INTS1: variants seen among roughly 807,000 people sequenced by gnomAD.
The protein encoded by INTS1 is integrator complex subunit 1.
In INTS1, 137 loss-of-function variants were observed where a neutral mutation model predicts 241.6. That is an observed-to-expected ratio of 0.57 (90% CI 0.49 to 0.65). INTS1 has a LOEUF of 0.65. Among genes scored for constraint, INTS1 ranks in the 30% least tolerant of loss-of-function variants. The probability of loss-of-function intolerance (pLI) is 0.00; values close to 1 mark genes in which losing one functional copy is unlikely to be tolerated. For missense variants in INTS1, 3,073 were observed against 3,032.2 expected, an observed-to-expected ratio of 1.01 and a Z score of -0.32; for synonymous variants, 1,692 against 1,337.8, an observed-to-expected ratio of 1.26 and a Z score of -5.78.
chr7:1,484,999 CA>C, intron 24 of INTS1, 98 bp downstream of exon 24: 1 of 584,370 alleles, frequency 1.7e-6, no homozygotes, highest in African/African-American at 2.0e-5. Flanking sequence ...TCCCCAGGGC[CA>C]CACTGCCGGC....
intron 23 of INTS1, 21 bp downstream of exon 23, chr7:1,485,269 G>C: frequency 6.3e-7 from 1 of 1,599,520 alleles, no homozygotes; most frequent in Non-Finnish European, 8.5e-7. Context: ...TCCCTGCCGC[G>C]GCCCCGGTCA....
In INTS1 at chr7:1,476,041, G is replaced by C; in HGVS notation, c.5409C>G (p.Leu1803=). ...SVLGRRCRDL[L]LQLYLQRPEL... is the part of the protein sequence containing the mutation. ...CCGGCCGCTGTAGGTAGAGCTGCAG[G>C]AGAAGGTCTCGGCAGCGCCTGCCCA... The change falls in exon 39 of 48, where the codon CTC becomes CTG. Residue 1803 remains leucine, a synonymous_variant. Transcript: ENST00000404767. 6.5e-7 allele frequency: 1 copy of C among 1,545,472 alleles called. No individual in the cohort carries two copies. Among genetic ancestry groups the C allele is most frequent in the Non-Finnish European group, 8.7e-7 (1 of 1,146,528 alleles).
At chr7:1,488,247 G>A (rs1782374024) in intron 18 of INTS1, among the ~76,000 whole-genome samples, 1 of 152,176 alleles carries the variant, frequency 6.6e-6, no homozygotes, top group African/African-American at 2.4e-5. Flanking sequence ...CCTCCTCCCA[G>A]GCCACCTCCC....
intron 26 of INTS1, 66 bp downstream of exon 26, chr7:1,483,675 TG>T: frequency 8.1e-7 from 1 of 1,237,654 alleles, no homozygotes; most frequent in Non-Finnish European, 1.2e-6. Flanking sequence ...CGGAAGCCGC[TG>T]GGTGTGGTCA....
rs370558880 is a variant in INTS1, at chr7:1,496,277, C to G, written c.1603-13G>C. 1.5e-5 allele frequency: 24 copies of G among 1,611,756 alleles called. No individual in the cohort carries two copies. The African/African-American group carries it at 2.5e-4, about 17-fold the overall frequency. On this transcript the variant is annotated splice_polypyrimidine_tract_variant and intron_variant, in intron 11 of 47. Transcript: ENST00000404767. ...CCACGAAGCGCTCCTGCAGGTGCAG[C>G]ACGGGGTCTGTATCCAGAAGGGACA...
In INTS1 at chr7:1,478,854, G is replaced by A. The variant is rs370490865; in HGVS notation, c.4361C>T (p.Ser1454Leu). 14 of 1,610,672 alleles carry A rather than the reference G, an allele frequency of 8.7e-6. No individual in the cohort carries two copies. Among genetic ancestry groups the A allele is most frequent in the South Asian group, 3.3e-5 (3 of 90,846 alleles). The change falls in exon 32 of 48, where the codon TCG becomes TTG. Residue 1454 changes from serine (S) to leucine (L), a missense_variant. Physicochemically the swap from Ser to Leu is moderately radical, Grantham distance 145 (BLOSUM62 -2). Coordinates refer to ENST00000404767, the MANE Select transcript of INTS1 (RefSeq NM_001080453.3). ...RCVPQDTGFS[S>L]LFLKVLLQML... is the part of the protein sequence containing the mutation. ...CTGCAGGAGCACCTTCAGGAAGAGC[G>A]AGGAGAAGCCGGTGTCCTGTGGCAC...
Position 1,474,819 on chromosome 7 carries a change from C to A in INTS1, c.5522G>T (p.Arg1841Leu). 3 of 1,590,308 alleles carry A rather than the reference C, an allele frequency of 1.9e-6. No homozygotes were observed. Among genetic ancestry groups the A allele is most frequent in the Non-Finnish European group, 1.7e-6 (2 of 1,170,928 alleles). The change falls in exon 40 of 48, where the codon CGC becomes CTC. Residue 1841 changes from arginine to leucine, a missense_variant. Arg to Leu is a moderately radical substitution (Grantham distance 102, BLOSUM62 -2). Coordinates refer to ENST00000404767, the MANE Select transcript of INTS1 (RefSeq NM_001080453.3). ...SVCKLDGLIH[R>L]FITLLADTSD... ...GGTGTCCGCAAGGAGCGTGATGAAGCGGTGGATGAGTCCGTCCAGCTGCAG... is the reference window on the plus strand; with the variant it reads ...GGTGTCCGCAAGGAGCGTGATGAAGAGGTGGATGAGTCCGTCCAGCTGCAG...
rs151276598 is a variant in INTS1 at position 1,502,713 on chromosome 7, C to A, written c.349+188G>T. ...AAGGGCAGCCACTGGCAGTGCAGGA[C>A]GCAGATGCACACACGGGATAAGGGC... On this transcript the variant is annotated intron_variant, in intron 3 of 47. Transcript: ENST00000404767. Among the ~76,000 whole-genome samples, 627 of 152,296 alleles carry A rather than the reference C, an allele frequency of 4.1e-3. 4 individuals are homozygous for A. The highest frequency in any genetic ancestry group is 0.014 in the Middle Eastern group (4 of 294).
chr7:1,493,197 G>T lies in INTS1; in HGVS notation c.2069-91C>A. The T allele has an allele frequency of 2.1e-6, 2 of 942,898 alleles. No individual in the cohort carries two copies. Among genetic ancestry groups the T allele is most frequent in the South Asian group, 1.5e-5 (1 of 68,398 alleles). The allele number at this position is 942,898 out of a possible 1,614,324, so 58.4% of individuals were successfully genotyped here. A position where few individuals can be genotyped will look rare whatever the true frequency, so the allele number is the denominator to read the frequency against. On this transcript the variant is annotated intron_variant, in intron 15 of 47. Transcript: ENST00000404767. This position sits in a 1 kb window ranked among gnomAD's most constrained non-coding sequence, Gnocchi z 5.3. Reference sequence around the variant, plus strand: ...GAACCGGCCCTGCTCGGGCCGCGTCGGGGTGGGGTGGGGGATGCCGCAGGG... The same window carrying T: ...GAACCGGCCCTGCTCGGGCCGCGTCTGGGTGGGGTGGGGGATGCCGCAGGG...
chr7:1,503,796 C>T (rs905303942), intron 2 of INTS1, 107 bp downstream of exon 2: 9 of 788,708 alleles, frequency 1.1e-5, no homozygotes, highest in African/African-American at 1.8e-5. Context: ...ACAGCCGCGG[C>T]TGCGGAACAA....
chr7:1,502,089 C>T (rs1783209802), intron 3 of INTS1, among the ~76,000 whole-genome samples: 1 of 152,206 alleles, frequency 6.6e-6, no homozygotes, highest in South Asian at 2.1e-4. Flanking sequence ...CACAAGTCCC[C>T]TGGGTCCTGT....
chr7:1,497,073 G>A lies in INTS1; in HGVS notation c.1602+65C>T, dbSNP rs369198615. On this transcript the variant is annotated intron_variant, in intron 11 of 47. Transcript: ENST00000404767. The surrounding 1 kb of genome is among the most constrained non-coding windows in gnomAD (Gnocchi z 5.3). ...GTGGAGTGTGCATGGGACCCAGGACGAGGGGGATGGCGGCGCGTGGAACCC... is the reference window on the plus strand; with the variant it reads ...GTGGAGTGTGCATGGGACCCAGGACAAGGGGGATGGCGGCGCGTGGAACCC... 21 of 1,473,676 alleles carry A rather than the reference G, an allele frequency of 1.4e-5. No individual in the cohort carries two copies. Among genetic ancestry groups the A allele is most frequent in the Admixed American group, 4.2e-5 (2 of 47,404 alleles). The allele number at this position is 1,473,676 out of a possible 1,614,324, so 91.3% of individuals were successfully genotyped here. A position where few individuals can be genotyped will look rare whatever the true frequency, so the allele number is the denominator to read the frequency against.
chr7:1,496,291 C>G (rs1178481526), intron 11 of INTS1, 27 bp from the exon 12 acceptor site: 5 of 1,582,896 alleles, frequency 3.2e-6, no homozygotes, highest in Non-Finnish European at 4.3e-6. Context: ...GGGTCTGTAT[C>G]CAGAAGGGAC....
At position 1,487,445 on chromosome 7, in the gene INTS1, G is replaced by C. The variant is rs771207576; in HGVS notation, c.2521C>G (p.Pro841Ala). The C allele has an allele frequency of 4.1e-4, 656 of 1,610,588 alleles. 2 individuals are homozygous for C. The highest frequency in any genetic ancestry group is 5.3e-4 in the Non-Finnish European group (623 of 1,179,192). Residue 841 changes from proline to alanine, a missense_variant, in exon 20 of 48, where the codon CCC (proline) becomes GCC (alanine). Physicochemically the swap from Pro to Ala is conservative, Grantham distance 27 (BLOSUM62 -1). Coordinates refer to ENST00000404767, the MANE Select transcript of INTS1 (RefSeq NM_001080453.3). ...ATGTGAGGGGGAGGCCTCCGGGGGG[G>C]CCCCCTGAGGGCCACAGGGGACACG... ...SQLTSLDPQG[P>A]PRRPPPHILD...
At chr7:1,495,776 G>T (rs746823442) in intron 12 of INTS1, among the ~76,000 whole-genome samples, 44 of 152,156 alleles carry the variant, frequency 2.9e-4, no homozygotes, top group African/African-American at 7.0e-4. Flanking sequence ...ACTCGCTCCG[G>T]TCAATGGCTT....
Position 1,481,725 on chromosome 7 carries a change from G to A in INTS1, c.3704-237C>T, listed in dbSNP as rs1490786746. Among the ~76,000 whole-genome samples the A allele has an allele frequency of 1.4e-5, 2 of 144,528 alleles. No homozygotes were observed. The highest frequency in any genetic ancestry group is 3.1e-5 in the Non-Finnish European group (2 of 65,540). 94.8% of individuals were successfully genotyped at this position (144,528 alleles called of 152,430 possible). On this transcript the variant is annotated intron_variant, in intron 27 of 47. Transcript: ENST00000404767. The surrounding 1 kb of genome is among the most constrained non-coding windows in gnomAD (Gnocchi z 6.8). ...CCAAGACCTGGGGCAGTGCACACTC[G>A]GCAGCCCCACCCGAGACCTGGGGCA...
intron 22 of INTS1, 31 bp from the exon 23 acceptor site, chr7:1,485,500 T>G (rs1381369185): frequency 1.9e-6 from 3 of 1,604,242 alleles, no homozygotes; most frequent in South Asian, 2.2e-5. Flanking sequence ...CTGGGCCGGC[T>G]TTCGGCAGTG....
rs1203652247 is a variant in INTS1 at position 1,486,928 on chromosome 7, C to A, written c.2820G>T (p.Lys940Asn). The A allele has an allele frequency of 1.8e-5, 29 of 1,602,152 alleles. No individual in the cohort carries two copies. The highest frequency in any genetic ancestry group is 2.5e-5 in the Non-Finnish European group (29 of 1,177,762). ...EGESKEQKAK[K>N]RQRQQKQRQL... Reference sequence around the variant, plus strand: ...AGGGGTGGGCGGCCCTGACCTGCCGCTTCTTGGCCTTCTGCTCCTTGCTCT... The same window carrying A: ...AGGGGTGGGCGGCCCTGACCTGCCGATTCTTGGCCTTCTGCTCCTTGCTCT... Residue 940 changes from lysine to asparagine, a missense_variant, in exon 21 of 48, where the codon AAG (lysine) becomes AAT (asparagine). Coordinates refer to ENST00000404767, the MANE Select transcript of INTS1 (RefSeq NM_001080453.3).
At chr7:1,480,740 TGCAG>T in intron 29 of INTS1, 91 bp downstream of exon 29, 2 of 1,022,306 alleles carry the variant, frequency 2.0e-6, no homozygotes. Flanking sequence ...TGTGTGGCTG[TGCAG>T]GCCCCGTCCC....
Sources: allele counts gnomAD v4.1 joint callset (sites outside exome capture counted in the v4.1 genomes callset), GRCh38; gene constraint gnomAD v4.1.1; non-coding constraint Gnocchi (gnomAD v3.1); transcripts MANE v1.5; gene names NCBI Gene and HGNC (gene_info 2026-07-23, HGNC 2026-07-21).